The following CA5B variants were observed in gnomAD, a reference collection of about 807,000 sequenced individuals.
CA5B encodes carbonic anhydrase 5B, mitochondrial.
CA5B carries 15 observed loss-of-function variants against 23.1 expected under a neutral mutation model. That is an observed-to-expected ratio of 0.65 (90% CI 0.43 to 1.00). The LOEUF is 1.00. Among genes scored for constraint, CA5B ranks in the 50% least tolerant of loss-of-function variants. The pLI is 0.00. For missense variants in CA5B, 236 were observed against 252.2 expected (o/e 0.94, Z 0.43); for synonymous variants, 84 against 98.5 (o/e 0.85, Z 0.87).
chrX:15,772,417 A>C lies in CA5B; in HGVS notation c.341-79A>C, dbSNP rs751828159. 206 of 579,429 alleles carry C rather than the reference A, an allele frequency of 3.6e-4. 3 individuals carry two copies. The African/African-American group carries it at 4.1e-3, about 12-fold the overall frequency. 47.8% of individuals were successfully genotyped at this position (579,429 alleles called of 1,213,427 possible). A position where few individuals can be genotyped will look rare whatever the true frequency, so the allele number is the denominator to read the frequency against. On this transcript the variant is annotated intron_variant, in intron 3 of 7. Transcript: ENST00000318636. The stretch of plus-strand genomic sequence containing the variant: ...TTAAGACAGTTCACATGGAGGGTCC[A>C]TTGGAGATTTGGCCTTTCACCCACA...
intron 3 of CA5B, among the ~76,000 whole-genome samples, chrX:15,767,664 C>T (rs921231664): frequency 3.6e-5 from 4 of 111,004 alleles, no homozygotes; most frequent in Non-Finnish European, 7.5e-5. Context: ...TCTCGGCTCA[C>T]TGCAACCTCT....
intron 2 of CA5B, among the ~76,000 whole-genome samples, chrX:15,760,688 A>G (rs1304363907): frequency 9.0e-6 from 1 of 111,490 alleles, no homozygotes; most frequent in East Asian, 2.8e-4. Flanking sequence ...GGCTTTGAAG[A>G]GTGTGTACTC....
chrX:15,763,591 C>T (rs1295420927), intron 2 of CA5B, among the ~76,000 whole-genome samples: 1 of 111,780 alleles, frequency 8.9e-6, no homozygotes, highest in African/African-American at 3.3e-5. Flanking sequence ...TTTTGTGTAT[C>T]CATTAAACCC....
In CA5B at chrX:15,784,539, G is replaced by A. The variant is rs1388195519; in HGVS notation, c.*1875G>A. On this transcript the variant is annotated 3_prime_UTR_variant, in exon 8 of 8. Transcript: ENST00000318636. The stretch of plus-strand genomic sequence containing the variant: ...CTTATAAATATCTTGGAATGTTTCT[G>A]AATGCCTCTAAGCCTATGTTCAGAC... The A allele has an allele frequency of 1.8e-5, 2 of 112,218 alleles. No individual in the cohort carries two copies. The highest frequency in any genetic ancestry group is 9.5e-5 in the Admixed American group (1 of 10,562). The allele number at this position is 112,218 out of a possible 1,213,427, so 9.2% of individuals were successfully genotyped here.
rs1332654573 is a variant in CA5B, at chrX:15,775,896, C to G, written c.618+588C>G. 5.3e-6 allele frequency: 4 copies of G among 748,898 alleles called. No homozygotes were observed. The African/African-American group carries it at 7.1e-5, about 13-fold the overall frequency. The allele number at this position is 748,898 out of a possible 1,213,427, so 61.7% of individuals were successfully genotyped here. A position where few individuals can be genotyped will look rare whatever the true frequency, so the allele number is the denominator to read the frequency against. On this transcript the variant is annotated intron_variant, in intron 6 of 7. Transcript: ENST00000318636. ...CCGTATATTATCTCCCCCCATCCCC[C>G]ACTCTGACCTTCTGGTCCCTACCTC...
chrX:15,756,626 A>C (rs1312115172), intron 2 of CA5B, among the ~76,000 whole-genome samples: 1 of 112,914 alleles, frequency 8.9e-6, no homozygotes, highest in Non-Finnish European at 1.9e-5. Context: ...AAGTGGGGCT[A>C]AAGGCCAGGT....
At chrX:15,762,604 G>A in intron 2 of CA5B, among the ~76,000 whole-genome samples, 1 of 110,371 alleles carries the variant, frequency 9.1e-6, no homozygotes, top group East Asian at 2.9e-4. Context: ...ACCACACCCG[G>A]CTAATTTTTA....
At position 15,786,840 on chromosome X, in the gene CA5B, C is replaced by CAT. The variant is rs1932126265; in HGVS notation, c.*4180_*4181dup. On this transcript the variant is annotated 3_prime_UTR_variant, in exon 8 of 8. Transcript: ENST00000318636. ...ACAGTGCACAGTGTGCTGGCATCAC[C>CAT]ATATAGGGCAAGCTGTGACCGCCTT... is the stretch of plus-strand genomic sequence containing the variant. 1 of 111,876 alleles carries CAT rather than the reference C, an allele frequency of 8.9e-6. No individual in the cohort carries two copies. The allele number at this position is 111,876 out of a possible 1,213,427, so 9.2% of individuals were successfully genotyped here.
rs1056420982 is a variant in CA5B at position 15,753,022 on chromosome X, C to T, written c.142+2857C>T. 1.1e-4 allele frequency among the ~76,000 whole-genome samples: 12 copies of T among 111,226 alleles called. No homozygotes were observed. In the East Asian group the frequency reaches 1.1e-3, roughly 10 times the overall value. On this transcript the variant is annotated intron_variant, in intron 2 of 7. Transcript: ENST00000318636. Reference sequence around the variant, plus strand: ...CCCCCACCCCAGCTTTGAGCTGTCCCGCCTTTCTGGACCAAACCAATGCAT... The same window carrying T: ...CCCCCACCCCAGCTTTGAGCTGTCCTGCCTTTCTGGACCAAACCAATGCAT...
intron 7 of CA5B, among the ~76,000 whole-genome samples, chrX:15,781,416 C>A (rs749881647): frequency 8.9e-6 from 1 of 112,229 alleles, no homozygotes; most frequent in African/African-American, 3.2e-5. Context: ...ATTGTAACCA[C>A]TGGACACATG....
intron 3 of CA5B, among the ~76,000 whole-genome samples, chrX:15,768,069 T>G (rs1931748269): frequency 9.5e-6 from 1 of 105,692 alleles, no homozygotes; most frequent in African/African-American, 3.5e-5. Context: ...TGGCTAATTT[T>G]TGTATTTTAG....
intron 1 of CA5B, among the ~76,000 whole-genome samples, chrX:15,749,589 G>A (rs1476979518): frequency 9.1e-6 from 1 of 110,494 alleles, no homozygotes. Context: ...TAATGTTGGG[G>A]TTCTTCGTAC....
intron 2 of CA5B, among the ~76,000 whole-genome samples, chrX:15,760,026 T>G (rs1349505118): frequency 9.1e-6 from 1 of 110,327 alleles, no homozygotes; most frequent in Non-Finnish European, 1.9e-5. Flanking sequence ...AGTGCTGAGA[T>G]TACAGGCATG....
intron 2 of CA5B, among the ~76,000 whole-genome samples, chrX:15,760,921 GTTTAT>G (rs1477484024): frequency 1.8e-5 from 2 of 111,764 alleles, no homozygotes; most frequent in Non-Finnish European, 3.8e-5. Flanking sequence ...CAGGGCATAT[GTTTAT>G]TTTATTTTTT....
rs1274233502 is a variant in CA5B, at chrX:15,775,207, T to G, written c.556-39T>G. On this transcript the variant is annotated intron_variant, in intron 5 of 7. Transcript: ENST00000318636. ...CTGTTACAGTTTCTACAGTGAGATG[T>G]CCATTGTTTGTAATATTTTCTTACT... The G allele has an allele frequency of 2.9e-6, 3 of 1,030,844 alleles. No homozygotes were observed. The East Asian group carries it at 9.2e-5, about 32-fold the overall frequency. 85.0% of individuals were successfully genotyped at this position (1,030,844 alleles called of 1,213,427 possible).
At chrX:15,757,332 T>C (rs1186180729) in intron 2 of CA5B, among the ~76,000 whole-genome samples, 14 of 111,492 alleles carry the variant, frequency 1.3e-4, no homozygotes, top group East Asian at 8.5e-4. Context: ...ACTGAAGACA[T>C]GGTGAAATCC....
intron 2 of CA5B, among the ~76,000 whole-genome samples, chrX:15,758,777 G>C (rs1195469672): frequency 4.5e-5 from 5 of 111,600 alleles, no homozygotes; most frequent in Non-Finnish European, 7.5e-5. Context: ...CAAAGTGTTG[G>C]GATTACAGGT....
intron 3 of CA5B, chrX:15,769,456 TCTC>T (rs1444908483): frequency 8.0e-5 from 60 of 750,172 alleles, no homozygotes; most frequent in Non-Finnish European, 9.3e-5. Context: ...TCAATTATCA[TCTC>T]CTCTGGAATT....
In CA5B at chrX:15,772,677, A is replaced by C. The variant is rs1931844563; in HGVS notation, c.459+63A>C. On this transcript the variant is annotated intron_variant, in intron 4 of 7. Transcript: ENST00000318636. Reference sequence around the variant, plus strand: ...GAAGTGGGGATAATTCTGAACTTTTAGTTGTAAGACATTATTAGAATCAGG... The same window carrying C: ...GAAGTGGGGATAATTCTGAACTTTTCGTTGTAAGACATTATTAGAATCAGG... The C allele has an allele frequency of 4.8e-6, 3 of 619,105 alleles. No individual in the cohort carries two copies. The Admixed American group carries it at 9.1e-5, about 19-fold the overall frequency. 51.0% of individuals were successfully genotyped at this position (619,105 alleles called of 1,213,427 possible).
Sources: allele counts gnomAD v4.1 joint callset (sites outside exome capture counted in the v4.1 genomes callset), GRCh38; gene constraint gnomAD v4.1.1; transcripts MANE v1.5; gene names NCBI Gene and HGNC (gene_info 2026-07-23, HGNC 2026-07-21).